FKRP: variants seen among roughly 807,000 people sequenced by gnomAD.
FKRP encodes ribitol 5-phosphate transferase FKRP.
In FKRP, 25 loss-of-function variants were observed where a neutral mutation model predicts 30.6. The observed-to-expected ratio is 0.82, with a 90% confidence interval of 0.60 to 1.14. FKRP has a LOEUF of 1.14. Among genes scored for constraint, FKRP ranks in the 50% most tolerant of loss-of-function variants. The pLI, the probability that FKRP is intolerant of heterozygous loss-of-function variation, is 0.00. For synonymous variants in FKRP, 358 were observed against 342.5 expected (o/e 1.05, Z -0.50); for missense variants, 771 against 727.8 (o/e 1.06, Z -0.68).
intron 3 of FKRP, among the ~76,000 whole-genome samples, chr19:46,751,555 ATTTTTTT>A (rs1226341140): frequency 1.1e-5 from 1 of 87,914 alleles, no homozygotes; most frequent in Non-Finnish European, 2.4e-5. Flanking sequence ...ACTTTTTTGT[ATTTTTTT>A]TTTTTTTTTT....
At position 46,756,760 on chromosome 19, in the gene FKRP, A is replaced by T; in HGVS notation, c.1310A>T (p.Gln437Leu). 6.2e-7 allele frequency: 1 copy of T among 1,605,808 alleles called. No homozygotes were observed. Among genetic ancestry groups the T allele is most frequent in the Non-Finnish European group, 8.5e-7 (1 of 1,176,628 alleles). ...MTKDTWLDHR[Q>L]DVEFPEHFLQ... ...AAGGACACGTGGCTGGACCACCGGC[A>T]GGATGTGGAGTTTCCCGAGCACTTC... is the stretch of plus-strand genomic sequence containing the variant. Residue 437 changes from glutamine (Q) to leucine (L), a missense_variant, in exon 4 of 4, where the codon CAG (glutamine) becomes CTG (leucine). Physicochemically the swap from Gln to Leu is moderately radical, Grantham distance 113 (BLOSUM62 -2). Coordinates refer to ENST00000318584, the MANE Select transcript of FKRP (RefSeq NM_024301.5). This position sits in a 1 kb window ranked among gnomAD's most constrained non-coding sequence, Gnocchi z 6.6.
upstream of FKRP, chr19:46,745,871 C>G (rs1041010259): frequency 5.1e-5 from 17 of 333,840 alleles, no homozygotes; most frequent in South Asian, 1.1e-3. Context: ...GTTGTGGTCC[C>G]TCCGCCCCTT....
Position 46,755,958 on chromosome 19 carries a change from G to T in FKRP, c.508G>T (p.Ala170Ser). ...VATANPARCL[A>S]LNVSLREWTA... is the part of the protein sequence containing the mutation. ...CACGGCCAACCCTGCCAGGTGCCTG[G>T]CCCTGAACGTCAGCCTGCGAGAGTG... The change falls in exon 4 of 4, where the codon GCC becomes TCC. Residue 170 changes from alanine (A) to serine (S), a missense_variant. Physicochemically the swap from Ala to Ser is moderately conservative, Grantham distance 99. Transcript: ENST00000318584. The T allele has an allele frequency of 1.3e-6, 2 of 1,537,732 alleles. No individual in the cohort carries two copies. Among genetic ancestry groups the T allele is most frequent in the Non-Finnish European group, 1.7e-6 (2 of 1,148,052 alleles).
At position 46,755,510 on chromosome 19, in the gene FKRP, C is replaced by T. The variant is rs1228553738; in HGVS notation, c.60C>T (p.Val20=). 1 of 1,611,298 alleles carries T rather than the reference C, an allele frequency of 6.2e-7. No individual in the cohort carries two copies. The highest frequency in any genetic ancestry group is 8.5e-7 in the Non-Finnish European group (1 of 1,179,206). The part of the protein sequence containing the change: ...LAAAITLNLL[V]LFYVSWLQHQ... ...CCGCCATCACCCTCAACCTTCTGGT[C>T]CTCTTCTATGTCTCGTGGCTGCAGC... The change falls in exon 4 of 4, where the codon GTC becomes GTT. Residue 20 remains valine, a synonymous_variant. Coordinates refer to ENST00000318584, the MANE Select transcript of FKRP (RefSeq NM_024301.5).
At chr19:46,746,040 C>A (rs562627844), upstream of FKRP, 73 of 1,182,406 alleles carry the variant, frequency 6.2e-5, 3 homozygotes, top group South Asian at 4.5e-4. Flanking sequence ...CGCCCCCCCG[C>A]CGGCCGTCCC....
Position 46,748,099 on chromosome 19 carries a change from C to T in FKRP, c.-191+11C>T, listed in dbSNP as rs2054702752. ...CCTACAACCTAGGAGGTAAGAAGTC[C>T]CTCAGTGTCACCTACACTCTCATGG... On this transcript the variant is annotated intron_variant, in intron 2 of 3. Transcript: ENST00000318584. 2 of 152,194 alleles carry T rather than the reference C, an allele frequency of 1.3e-5. No individual in the cohort carries two copies. Among genetic ancestry groups the T allele is most frequent in the African/African-American group, 4.8e-5 (2 of 41,434 alleles). The allele number at this position is 152,194 out of a possible 1,614,324, so 9.4% of individuals were successfully genotyped here.
chr19:46,750,749 G>A (rs1410993560), intron 3 of FKRP, among the ~76,000 whole-genome samples: 1 of 151,244 alleles, frequency 6.6e-6, no homozygotes, highest in Non-Finnish European at 1.5e-5. Context: ...GGCTGGTGTT[G>A]AACTCCTGAG....
intron 2 of FKRP, among the ~76,000 whole-genome samples, chr19:46,748,292 C>T (rs549415194): frequency 6.6e-6 from 1 of 152,260 alleles, no homozygotes; most frequent in Admixed American, 6.5e-5. Context: ...ATTCTCCTGC[C>T]TCAGCCTCCC....
At position 46,756,428 on chromosome 19, in the gene FKRP, C is replaced by T. The variant is rs1419694577; in HGVS notation, c.978C>T (p.Ala326=). 1.3e-6 allele frequency: 2 copies of T among 1,583,182 alleles called. No homozygotes were observed. The highest frequency in any genetic ancestry group is 1.3e-5 in the African/African-American group (1 of 74,570). The change falls in exon 4 of 4, where the codon GCC becomes GCT. Residue 326 remains alanine, a synonymous_variant. Transcript: ENST00000318584. The surrounding 1 kb of genome is among the most constrained non-coding windows in gnomAD (Gnocchi z 6.6). ...PCCLRALRET[A]RYVVGVLEAA... is the part of the protein sequence containing the mutation. ...GCCTGCGCGCGCTGCGCGAGACCGC[C>T]CGCTATGTGGTGGGCGTGCTGGAGG...
chr19:46,750,684 C>T (rs1205750021), intron 3 of FKRP, among the ~76,000 whole-genome samples: 1 of 152,088 alleles, frequency 6.6e-6, no homozygotes, highest in Non-Finnish European at 1.5e-5. Flanking sequence ...TAGGCACCAC[C>T]ACGCCTGGCT....
intron 1 of FKRP, chr19:46,746,407 G>T (rs1019521143): frequency 1.5e-5 from 16 of 1,050,638 alleles, no homozygotes; most frequent in Non-Finnish European, 1.7e-5. Flanking sequence ...CGGCGACCGC[G>T]GCGGCCGCTC....
In FKRP at chr19:46,757,191, T is replaced by A; in HGVS notation, c.*253T>A. 1.7e-6 allele frequency: 1 copy of A among 599,370 alleles called. No individual in the cohort carries two copies. The highest frequency in any genetic ancestry group is 3.1e-6 in the Non-Finnish European group (1 of 326,270). 37.1% of individuals were successfully genotyped at this position (599,370 alleles called of 1,614,324 possible). ...GCCGTGGATATGCGTGGGGACATCC[T>A]GGGTCATCTCAGTCATGGAGGGAGA... On this transcript the variant is annotated 3_prime_UTR_variant, in exon 4 of 4. Transcript: ENST00000318584.
chr19:46,756,153 C>T lies in FKRP; in HGVS notation c.703C>T (p.Leu235=), dbSNP rs1428469954. The T allele has an allele frequency of 3.4e-6, 5 of 1,470,100 alleles. No homozygotes were observed. In the Admixed American group the frequency reaches 1.0e-4, roughly 30 times the overall value. 91.1% of individuals were successfully genotyped at this position (1,470,100 alleles called of 1,614,324 possible). The change falls in exon 4 of 4, where the codon CTG becomes TTG. Residue 235 remains leucine (L), a synonymous_variant. Transcript: ENST00000318584. The surrounding 1 kb of genome is among the most constrained non-coding windows in gnomAD (Gnocchi z 6.6). ...QTALRGWAVQ[L]LDLTFAAARQ... is the part of the protein sequence containing the mutation. Reference sequence around the variant, plus strand: ...CGCCCTTCGCGGCTGGGCGGTGCAGCTGCTGGACTTGACCTTCGCCGCGGC... The same window carrying T: ...CGCCCTTCGCGGCTGGGCGGTGCAGTTGCTGGACTTGACCTTCGCCGCGGC...
intron 3 of FKRP, among the ~76,000 whole-genome samples, chr19:46,752,248 A>C (rs1180547028): frequency 6.6e-6 from 1 of 152,234 alleles, no homozygotes; most frequent in Non-Finnish European, 1.5e-5. Context: ...GGAACAGACC[A>C]CAGGAACAGA....
intron 3 of FKRP, among the ~76,000 whole-genome samples, chr19:46,750,438 A>T (rs1229345994): frequency 3.9e-5 from 6 of 152,210 alleles, no homozygotes; most frequent in Non-Finnish European, 8.8e-5. Context: ...GCCCAGAGTC[A>T]GTCAGACAGT....
Position 46,756,297 on chromosome 19 carries a change from C to T in FKRP, c.847C>T (p.Arg283Trp), listed in dbSNP as rs1325525979. 1.3e-6 allele frequency: 2 copies of T among 1,535,196 alleles called. No individual in the cohort carries two copies. The highest frequency in any genetic ancestry group is 1.4e-5 in the African/African-American group (1 of 73,172). ...GIRLVSWEGG[R>W]LEWFGCNKET... ...CCGCCTAGTGAGCTGGGAAGGCGGG[C>T]GGCTGGAGTGGTTCGGCTGCAACAA... The change falls in exon 4 of 4, where the codon CGG becomes TGG. Residue 283 changes from arginine to tryptophan, a missense_variant. Transcript: ENST00000318584. The surrounding 1 kb of genome is among the most constrained non-coding windows in gnomAD (Gnocchi z 6.6).
Position 46,754,895 on chromosome 19 carries a change from C to T in FKRP, c.-39-517C>T, listed in dbSNP as rs143776026. On this transcript the variant is annotated intron_variant, in intron 3 of 3. Coordinates refer to ENST00000318584, the MANE Select transcript of FKRP (RefSeq NM_024301.5). Reference sequence around the variant, plus strand: ...TGATGGGATTACAGGCATAAGCCACCGCGCCCAGCCTAACCTTTTTTTTTC... The same window carrying T: ...TGATGGGATTACAGGCATAAGCCACTGCGCCCAGCCTAACCTTTTTTTTTC... Among the ~76,000 whole-genome samples, 425 of 152,200 alleles carry T rather than the reference C, an allele frequency of 2.8e-3. 2 individuals are homozygous for T. The highest frequency in any genetic ancestry group is 9.3e-3 in the African/African-American group (385 of 41,530).
rs1296390581 is a variant in FKRP at position 46,746,087 on chromosome 19, G to C, written c.-256G>C. On this transcript the variant is annotated 5_prime_UTR_variant, in exon 1 of 4. Coordinates refer to ENST00000318584, the MANE Select transcript of FKRP (RefSeq NM_024301.5). The stretch of plus-strand genomic sequence containing the variant: ...CTCCAAGATGGCGGCGGCGGCGGCA[G>C]CGGGTGAGGCCGGGCCGGGCCGGGC... 7.6e-7 allele frequency: 1 copy of C among 1,310,380 alleles called. No individual in the cohort carries two copies. Among genetic ancestry groups the C allele is most frequent in the African/African-American group, 1.6e-5 (1 of 63,524 alleles). 81.2% of individuals were successfully genotyped at this position (1,310,380 alleles called of 1,614,324 possible).
intron 3 of FKRP, chr19:46,753,700 G>A (rs2054842314): frequency 6.6e-6 from 1 of 152,158 alleles, no homozygotes; most frequent in Non-Finnish European, 1.5e-5. Flanking sequence ...CACGGGGAGA[G>A]GAATTGCCAG....
Sources: gnomAD v4.1 joint callset for allele counts (sites outside exome capture counted in the v4.1 genomes callset) on GRCh38, gnomAD v4.1.1 for gene constraint, Gnocchi (gnomAD v3.1) non-coding constraint, MANE v1.5 for transcripts, NCBI Gene and HGNC (gene_info 2026-07-23, HGNC 2026-07-21) for gene names.